Variants in NETO2 observed in about 807,000 individuals in gnomAD.
NETO2 encodes neuropilin and tolloid-like protein 2.
NETO2 carries 28 observed loss-of-function variants against 62.5 expected under a neutral mutation model. The ratio of observed to expected loss-of-function variants is 0.45; its 90% confidence interval spans 0.33 to 0.61. The LOEUF (loss-of-function observed/expected upper bound fraction) is 0.61. Ranked by LOEUF, NETO2 falls within the 20% of genes least tolerant of loss-of-function variation. The pLI, the probability that NETO2 is intolerant of heterozygous loss-of-function variation, is 0.02. For missense variants in NETO2, 548 were observed against 643.2 expected, an observed-to-expected ratio of 0.85 and a Z score of 1.60; for synonymous variants, 214 against 219.1, an observed-to-expected ratio of 0.98 and a Z score of 0.21.
In NETO2 at chr16:47,083,036, C is replaced by G; in HGVS notation, c.*185G>C. The G allele has an allele frequency of 1.9e-6, 1 of 534,646 alleles. No individual in the cohort carries two copies. The highest frequency in any genetic ancestry group is 3.3e-6 in the Non-Finnish European group (1 of 307,642). 33.1% of individuals were successfully genotyped at this position (534,646 alleles called of 1,614,324 possible). A position where few individuals can be genotyped will look rare whatever the true frequency, so the allele number is the denominator to read the frequency against. On this transcript the variant is annotated 3_prime_UTR_variant, in exon 9 of 9. Transcript: ENST00000562435. ...TGTTTCCACTGAATAGAGTAAGTTC[C>G]TTGATTGGTTTAACATATATAGACT...
intron 7 of NETO2, among the ~76,000 whole-genome samples, chr16:47,100,011 T>C (rs1963508498): frequency 6.6e-6 from 1 of 152,224 alleles, no homozygotes; most frequent in African/African-American, 2.4e-5. Flanking sequence ...ATGTACATTC[T>C]TCTCAGCACC....
At chr16:47,136,947 GA>G (rs1033834786) in intron 1 of NETO2, among the ~76,000 whole-genome samples, 4 of 151,826 alleles carry the variant, frequency 2.6e-5, no homozygotes, top group African/African-American at 7.3e-5. Flanking sequence ...ATAAATGGGG[GA>G]AAAAAGATTA....
At chr16:47,093,920 T>C (rs753118805) in intron 7 of NETO2, among the ~76,000 whole-genome samples, 22 of 152,240 alleles carry the variant, frequency 1.4e-4, no homozygotes, top group Non-Finnish European at 2.2e-4. Flanking sequence ...AGTCAGGATA[T>C]AAAGGCTAAA....
chr16:47,135,725 A>G (rs910639149), intron 1 of NETO2, among the ~76,000 whole-genome samples: 14 of 152,110 alleles, frequency 9.2e-5, no homozygotes, highest in Non-Finnish European at 1.8e-4. Context: ...AGGCCTTCCA[A>G]TTTTAAGGCC....
At chr16:47,084,516 A>C (rs1423810372) in intron 8 of NETO2, among the ~76,000 whole-genome samples, 1 of 152,202 alleles carries the variant, frequency 6.6e-6, no homozygotes, top group Non-Finnish European at 1.5e-5. Flanking sequence ...GTGGCATTAG[A>C]TTCTCACAGC....
intron 4 of NETO2, 44 bp downstream of exon 4, chr16:47,128,281 T>C (rs1440913268): frequency 1.3e-6 from 2 of 1,581,610 alleles, no homozygotes; most frequent in East Asian, 2.2e-5. Flanking sequence ...AAATCAGAGT[T>C]AGAGTGAGAT....
intron 7 of NETO2, among the ~76,000 whole-genome samples, chr16:47,088,742 T>C (rs968617452): frequency 2.0e-5 from 3 of 152,210 alleles, no homozygotes; most frequent in African/African-American, 4.8e-5. Flanking sequence ...TGTGCAGTCA[T>C]AGGAAGTTTG....
intron 7 of NETO2, among the ~76,000 whole-genome samples, chr16:47,090,295 T>A (rs1963285700): frequency 6.6e-6 from 1 of 152,216 alleles, no homozygotes; most frequent in Non-Finnish European, 1.5e-5. Context: ...TCAGCTTTTG[T>A]TTCATAGAAA....
intron 4 of NETO2, among the ~76,000 whole-genome samples, chr16:47,125,353 T>G (rs570152723): frequency 6.6e-6 from 1 of 152,222 alleles, no homozygotes; most frequent in Admixed American, 6.5e-5. Flanking sequence ...CTACTAGTTT[T>G]TTTTTTTTTT....
intron 7 of NETO2, among the ~76,000 whole-genome samples, chr16:47,092,718 A>C (rs1963338472): frequency 6.6e-6 from 1 of 152,228 alleles, no homozygotes; most frequent in African/African-American, 2.4e-5. Flanking sequence ...TCTCAAATTT[A>C]AAAGGTTTTA....
rs971831402 is a variant in NETO2 at position 47,115,711 on chromosome 16, A to ATG, written c.655-6001_655-6000insCA. 1.5e-4 allele frequency among the ~76,000 whole-genome samples: 21 copies of ATG among 136,198 alleles called. No homozygotes were observed. The East Asian group carries it at 1.8e-3, about 12-fold the overall frequency. The allele number at this position is 136,198 out of a possible 152,430, so 89.4% of individuals were successfully genotyped here. A position where few individuals can be genotyped will look rare whatever the true frequency, so the allele number is the denominator to read the frequency against. ...CCGGCTAATTTTTATATATATATAT[A>ATG]TACATATATATATATATATACATGT... On this transcript the variant is annotated intron_variant, in intron 6 of 8. Transcript: ENST00000562435.
chr16:47,138,365 A>T (rs1040552269), intron 1 of NETO2, among the ~76,000 whole-genome samples: 3 of 152,138 alleles, frequency 2.0e-5, no homozygotes, highest in African/African-American at 7.2e-5. Context: ...GTGCCACTGC[A>T]CTCCAGCCTG....
rs1264328579 is a variant in NETO2 at position 47,129,264 on chromosome 16, G to A, written c.192C>T (p.Asp64=). Residue 64 remains aspartate, a synonymous_variant, in exon 3 of 9, where the codon GAC becomes GAT. Coordinates refer to ENST00000562435, the MANE Select transcript of NETO2 (RefSeq NM_018092.5). The part of the protein sequence containing the change: ...GGHFASPNYP[D]SYPPNKECIY... ...TACACTCCTTGTTTGGTGGATATGAGTCAGGATAATTTGGCGAAGCAAAAT... is the reference window on the plus strand; with the variant it reads ...TACACTCCTTGTTTGGTGGATATGAATCAGGATAATTTGGCGAAGCAAAAT... 6.2e-7 allele frequency: 1 copy of A among 1,614,028 alleles called. No homozygotes were observed. The highest frequency in any genetic ancestry group is 8.5e-7 in the Non-Finnish European group (1 of 1,179,950).
chr16:47,106,205 T>C (rs369153200), intron 7 of NETO2, among the ~76,000 whole-genome samples: 3 of 151,988 alleles, frequency 2.0e-5, no homozygotes, highest in Non-Finnish European at 4.4e-5. Flanking sequence ...AAGCCAGACA[T>C]AAAAGGACAA....
chr16:47,125,087 T>C (rs1216349896), intron 4 of NETO2, among the ~76,000 whole-genome samples: 1 of 152,238 alleles, frequency 6.6e-6, no homozygotes, highest in African/African-American at 2.4e-5. Flanking sequence ...GAGTATTCTT[T>C]GGATGTCTTT....
At chr16:47,117,505 T>G (rs575010957) in intron 6 of NETO2, among the ~76,000 whole-genome samples, 33 of 152,316 alleles carry the variant, frequency 2.2e-4, no homozygotes, top group South Asian at 8.3e-4. Flanking sequence ...CGTTAGGCCC[T>G]TTGAAACTGT....
Position 47,128,407 on chromosome 16 carries a change from T to C in NETO2, c.399A>G (p.Thr133=). The C allele has an allele frequency of 1.9e-6, 3 of 1,614,130 alleles. No individual in the cohort carries two copies. Among genetic ancestry groups the C allele is most frequent in the South Asian group, 2.2e-5 (2 of 91,086 alleles). The change falls in exon 4 of 9, where the codon ACA becomes ACG. Residue 133 remains threonine (T), a synonymous_variant. Coordinates refer to ENST00000562435, the MANE Select transcript of NETO2 (RefSeq NM_018092.5). ...TAAACTTAATCCACATGAATCTCCCTGTTGATCTAATTAATGGAGGGCTTT... is the reference window on the plus strand; with the variant it reads ...TAAACTTAATCCACATGAATCTCCCCGTTGATCTAATTAATGGAGGGCTTT... The part of the protein sequence containing the change: ...GVKSPPLIRS[T]GRFMWIKFSS...
intron 7 of NETO2, among the ~76,000 whole-genome samples, chr16:47,086,845 C>T (rs1963199866): frequency 6.6e-6 from 1 of 152,130 alleles, no homozygotes; most frequent in Admixed American, 6.5e-5. Context: ...CCAATGTTCA[C>T]AGCAGCATTA....
At chr16:47,143,284 G>A (rs1048287300) in intron 1 of NETO2, among the ~76,000 whole-genome samples, 8 of 152,002 alleles carry the variant, frequency 5.3e-5, no homozygotes, top group Non-Finnish European at 1.2e-4. Flanking sequence ...CAGCCCGGAG[G>A]GCCCTGCTGG....
Sources: allele counts gnomAD v4.1 joint callset (sites outside exome capture counted in the v4.1 genomes callset), GRCh38; gene constraint gnomAD v4.1.1; transcripts MANE v1.5; gene names NCBI Gene and HGNC (gene_info 2026-07-23, HGNC 2026-07-21).